Variants in NUP210 observed in about 807,000 individuals in gnomAD.
NUP210 encodes the protein nucleoporin 210.
NUP210 carries 151 observed loss-of-function variants against 196.0 expected under a neutral mutation model. The ratio of observed to expected loss-of-function variants is 0.77; its 90% confidence interval spans 0.67 to 0.88. The LOEUF is 0.88. NUP210 is among the 40% of genes least tolerant of loss of function. The probability of loss-of-function intolerance (pLI) is 0.00; values close to 1 mark genes in which losing one functional copy is unlikely to be tolerated. For synonymous variants in NUP210, 1,070 were observed against 1,052.7 expected, an observed-to-expected ratio of 1.02 and a Z score of -0.32; for missense variants, 2,314 against 2,493.7, an observed-to-expected ratio of 0.93 and a Z score of 1.53.
At chr3:13,326,034 T>C in intron 32 of NUP210, 103 bp from the exon 33 acceptor site, 1 of 1,458,810 alleles carries the variant, frequency 6.9e-7, no homozygotes, top group Non-Finnish European at 9.4e-7. Flanking sequence ...TGGCTGCCGC[T>C]ACCCCCATGG....
chr3:13,394,350 C>T (rs957306261), intron 3 of NUP210, among the ~76,000 whole-genome samples: 6 of 152,204 alleles, frequency 3.9e-5, no homozygotes, highest in African/African-American at 1.4e-4. Flanking sequence ...CAAAGTTTTG[C>T]TTTTTCCACG....
chr3:13,415,331 C>T (rs1700311890), intron 1 of NUP210, among the ~76,000 whole-genome samples: 1 of 152,210 alleles, frequency 6.6e-6, no homozygotes, highest in Non-Finnish European at 1.5e-5. Context: ...CCCTGGTGCT[C>T]AGGCAGGACG....
intron 33 of NUP210, 108 bp downstream of exon 33, chr3:13,325,687 C>T: frequency 7.3e-7 from 1 of 1,369,626 alleles, no homozygotes; most frequent in Non-Finnish European, 1.0e-6. Context: ...GACCCAACCC[C>T]TCAGACGGCT....
rs945322241 is a variant in NUP210 at position 13,341,780 on chromosome 3, G to A, written c.3196C>T (p.Gln1066Ter). The A allele has an allele frequency of 4.3e-6, 7 of 1,614,248 alleles. No homozygotes were observed. The highest frequency in any genetic ancestry group is 5.9e-6 in the Non-Finnish European group (7 of 1,180,034). The change falls in exon 23 of 40, where the codon CAG becomes TAG. Residue 1066 changes from glutamine to a stop codon, truncating the protein, a stop_gained. Transcript: ENST00000254508. LOFTEE classifies it high-confidence loss of function. Reference sequence around the variant, plus strand: ...TGTTGTGGGGCTGAGTTGATTCTCTGTCCAGCTTTATTGGTCACACTTGCA... The same window carrying A: ...TGTTGTGGGGCTGAGTTGATTCTCTATCCAGCTTTATTGGTCACACTTGCA... ...LTASVTNKAG[Q>*]RINSAPQQIE...
At chr3:13,375,233 C>G (rs1698860959) in intron 11 of NUP210, among the ~76,000 whole-genome samples, 1 of 149,822 alleles carries the variant, frequency 6.7e-6, no homozygotes, top group Non-Finnish European at 1.5e-5. Flanking sequence ...AAGCAATCCT[C>G]TCACTTCAGC....
intron 2 of NUP210, among the ~76,000 whole-genome samples, chr3:13,399,400 T>G (rs1323626295): frequency 6.6e-6 from 1 of 152,010 alleles, no homozygotes; most frequent in African/African-American, 2.4e-5. Context: ...AAATTAGATA[T>G]GGGGAAGGAA....
chr3:13,334,658 G>A (rs1024549749), intron 28 of NUP210, among the ~76,000 whole-genome samples: 2 of 152,128 alleles, frequency 1.3e-5, no homozygotes, highest in Admixed American at 1.3e-4. Context: ...GGTTACTGAG[G>A]CCCAGAGGAG....
At position 13,343,241 on chromosome 3, in the gene NUP210, C is replaced by G; in HGVS notation, c.2898G>C (p.Pro966=). 1 of 1,512,908 alleles carries G rather than the reference C, an allele frequency of 6.6e-7. No individual in the cohort carries two copies. The highest frequency in any genetic ancestry group is 9.0e-7 in the Non-Finnish European group (1 of 1,116,718). The allele number at this position is 1,512,908 out of a possible 1,614,324, so 93.7% of individuals were successfully genotyped here. The change falls in exon 21 of 40, where the codon CCG becomes CCC. Residue 966 remains proline (P), a synonymous_variant. Transcript: ENST00000254508. ...CGTAAACGACAGCCTTGGCTGGGGC[C>G]GGGAAGACGAGGCACAAGTCATGGA... ...IMIHDLCLVF[P]APAKAVVYVS...
At chr3:13,415,736 C>CT (rs1700327868) in intron 1 of NUP210, among the ~76,000 whole-genome samples, 1 of 152,154 alleles carries the variant, frequency 6.6e-6, no homozygotes, top group Non-Finnish European at 1.5e-5. Flanking sequence ...GTTGCCTCAC[C>CT]TGTGCAAGTT....
At chr3:13,364,934 G>A (rs1278655776) in intron 14 of NUP210, among the ~76,000 whole-genome samples, 2 of 152,204 alleles carry the variant, frequency 1.3e-5, no homozygotes, top group Non-Finnish European at 2.9e-5. Flanking sequence ...AAACCATGAG[G>A]ACCGGAGCTG....
intron 33 of NUP210, among the ~76,000 whole-genome samples, chr3:13,325,053 A>C (rs1696691156): frequency 6.6e-6 from 1 of 152,176 alleles, no homozygotes; most frequent in Admixed American, 6.5e-5. Flanking sequence ...CTCAACCTGC[A>C]CCAAACTGCC....
chr3:13,320,001 G>T, intron 36 of NUP210, 22 bp from the exon 37 acceptor site: 1 of 1,609,434 alleles, frequency 6.2e-7, no homozygotes. Flanking sequence ...ATCAGAGCTG[G>T]GGGTGCACAT....
At chr3:13,356,687 CAG>C (rs1219592385) in intron 16 of NUP210, among the ~76,000 whole-genome samples, 2 of 152,296 alleles carry the variant, frequency 1.3e-5, no homozygotes, top group South Asian at 4.1e-4. Context: ...TGTAAATTGC[CAG>C]AGTCACACCT....
Position 13,397,390 on chromosome 3 carries a change from G to A in NUP210, c.403C>T (p.Leu135=). The A allele has an allele frequency of 6.2e-7, 1 of 1,610,710 alleles. No individual in the cohort carries two copies. Among genetic ancestry groups the A allele is most frequent in the South Asian group, 1.1e-5 (1 of 90,698 alleles). ...TRELYLEDSP[L]ELKIQALDSE... Reference sequence around the variant, plus strand: ...TCCAGGGCCTGGATCTTCAGCTCCAGGGGGGAGTCCTCCAGGTAGAGCTCG... The same window carrying A: ...TCCAGGGCCTGGATCTTCAGCTCCAAGGGGGAGTCCTCCAGGTAGAGCTCG... Residue 135 remains leucine, a synonymous_variant, in exon 3 of 40, where the codon CTG becomes TTG. Coordinates refer to ENST00000254508, the MANE Select transcript of NUP210 (RefSeq NM_024923.4).
At chr3:13,414,313 C>T (rs1475804864) in intron 1 of NUP210, among the ~76,000 whole-genome samples, 1 of 152,212 alleles carries the variant, frequency 6.6e-6, no homozygotes, top group Non-Finnish European at 1.5e-5. Context: ...AGTGGGGGAC[C>T]CACAAAGGAA....
chr3:13,375,825 G>A (rs1265359442), intron 10 of NUP210, among the ~76,000 whole-genome samples, 184 bp from the exon 11 acceptor site: 3 of 152,194 alleles, frequency 2.0e-5, no homozygotes, highest in Non-Finnish European at 4.4e-5. Flanking sequence ...GCTTTGTGAA[G>A]TGCTTTCTGG....
At chr3:13,394,793 A>G (rs534702806) in intron 3 of NUP210, among the ~76,000 whole-genome samples, 6 of 152,390 alleles carry the variant, frequency 3.9e-5, no homozygotes, top group African/African-American at 1.4e-4. Context: ...GATAAGGCAC[A>G]TCATTTCTGG....
chr3:13,358,011 T>C (rs1168210949), intron 16 of NUP210, among the ~76,000 whole-genome samples: 2 of 152,294 alleles, frequency 1.3e-5, no homozygotes, highest in East Asian at 3.9e-4. Context: ...GCTGTGACTT[T>C]GGTATGTCTC....
chr3:13,387,467 C>A (rs1205956024), intron 5 of NUP210, among the ~76,000 whole-genome samples: 1 of 152,236 alleles, frequency 6.6e-6, no homozygotes, highest in Non-Finnish European at 1.5e-5. Flanking sequence ...CCTGCAGAGT[C>A]CTACGGGATT....
Sources: gnomAD v4.1 joint callset for allele counts (sites outside exome capture counted in the v4.1 genomes callset) on GRCh38, gnomAD v4.1.1 for gene constraint, MANE v1.5 for transcripts, NCBI Gene and HGNC (gene_info 2026-07-23, HGNC 2026-07-21) for gene names.